RPH3AL: variants seen among roughly 807,000 people sequenced by gnomAD.
The protein encoded by RPH3AL is rab effector Noc2.
A neutral mutation model predicts 43.1 loss-of-function variants in RPH3AL; 38 were observed. The ratio of observed to expected loss-of-function variants is 0.88; its 90% confidence interval spans 0.68 to 1.15. RPH3AL has a LOEUF of 1.15. Ranked by LOEUF, RPH3AL falls within the 50% of genes most tolerant of loss-of-function variation. The pLI is 0.00. For missense variants in RPH3AL, 462 were observed against 423.2 expected, an observed-to-expected ratio of 1.09 and a Z score of -0.81; for synonymous variants, 189 against 176.3, an observed-to-expected ratio of 1.07 and a Z score of -0.57.
chr17:326,985 C>T (rs769395795), intron 3 of RPH3AL, among the ~76,000 whole-genome samples: 2 of 152,226 alleles, frequency 1.3e-5, no homozygotes, highest in Non-Finnish European at 2.9e-5. Flanking sequence ...TCAGGGGCAG[C>T]GCCTCGTCCA....
chr17:271,586 T>C (rs1265776582), intron 6 of RPH3AL, among the ~76,000 whole-genome samples: 1 of 152,192 alleles, frequency 6.6e-6, no homozygotes, highest in Non-Finnish European at 1.5e-5. Flanking sequence ...TATTGATGTA[T>C]AGGAATGCTT....
intron 7 of RPH3AL, among the ~76,000 whole-genome samples, chr17:226,522 TAAAC>T (rs1479116348): frequency 6.6e-6 from 1 of 152,046 alleles, no homozygotes; most frequent in African/African-American, 2.4e-5. Flanking sequence ...TCGAAAGAAA[TAAAC>T]CAAAGGAAGT....
At chr17:316,901 G>GC (rs2044248998) in intron 5 of RPH3AL, among the ~76,000 whole-genome samples, 3 of 101,808 alleles carry the variant, frequency 2.9e-5, no homozygotes, top group South Asian at 3.4e-4. Flanking sequence ...TAGTCCCTGT[G>GC]CTCCACCTCC....
At chr17:242,337 CCTTCCTCTATTGACTA>C (rs1253888359) in intron 7 of RPH3AL, among the ~76,000 whole-genome samples, 1,990 of 89,128 alleles carry the variant, frequency 0.022, no homozygotes, top group Non-Finnish European at 0.033. Flanking sequence ...CTATTGACTA[CCTTCCTCTATTGACTA>C]CCTTCCTCTA....
intron 5 of RPH3AL, among the ~76,000 whole-genome samples, chr17:315,144 ATTGAC>A (rs2151670334): frequency 6.6e-6 from 1 of 150,856 alleles, no homozygotes; most frequent in Non-Finnish European, 1.5e-5. Flanking sequence ...CTCCACCTCC[ATTGAC>A]CTGTAGTCCC....
chr17:334,310 T>C (rs2044880361), intron 1 of RPH3AL, among the ~76,000 whole-genome samples: 1 of 152,220 alleles, frequency 6.6e-6, no homozygotes, highest in East Asian at 1.9e-4. Context: ...TGTCTGTCTC[T>C]AACACGTATC....
At chr17:216,758 C>A (rs1253300335) in intron 8 of RPH3AL, among the ~76,000 whole-genome samples, 16 of 152,200 alleles carry the variant, frequency 1.1e-4, no homozygotes, top group Non-Finnish European at 4.4e-5. Flanking sequence ...TCTCTACCTG[C>A]TGATATTGGC....
chr17:314,033 C>T lies in RPH3AL; in HGVS notation c.351+5387G>A, dbSNP rs537672492. Among the ~76,000 whole-genome samples, 6 of 152,344 alleles carry T rather than the reference C, an allele frequency of 3.9e-5. No homozygotes were observed. In the East Asian group the frequency reaches 1.2e-3, roughly 29 times the overall value. ...CAACAGAAACGCCCGGACCAGCCCA[C>T]AGCTCCAGAGTAGCGTGGGGACCCA... On this transcript the variant is annotated intron_variant, in intron 5 of 9. Coordinates refer to ENST00000331302, the MANE Select transcript of RPH3AL (RefSeq NM_006987.4).
intron 6 of RPH3AL, among the ~76,000 whole-genome samples, chr17:250,539 G>C (rs1173819251): frequency 1.4e-5 from 2 of 146,470 alleles, no homozygotes; most frequent in African/African-American, 5.1e-5. Context: ...CCTTTACTAA[G>C]CTCCATCGCT....
intron 5 of RPH3AL, among the ~76,000 whole-genome samples, chr17:312,787 T>C (rs2043676398): frequency 6.6e-6 from 1 of 152,198 alleles, no homozygotes; most frequent in Non-Finnish European, 1.5e-5. Flanking sequence ...AAGTGACTTG[T>C]ACGAGACCGC....
At chr17:314,439 C>T (rs59732087) in intron 5 of RPH3AL, among the ~76,000 whole-genome samples, 4,051 of 130,492 alleles carry the variant, frequency 0.031, 187 homozygotes, top group Middle Eastern at 0.049. Flanking sequence ...TCCCTCTGCC[C>T]CCACCTCCAT....
chr17:329,311 A>G (rs1283040219), intron 2 of RPH3AL, among the ~76,000 whole-genome samples: 1 of 152,160 alleles, frequency 6.6e-6, no homozygotes, highest in Non-Finnish European at 1.5e-5. Flanking sequence ...CGCCTCTACT[A>G]AAAATACAAA....
chr17:284,104 T>G (rs2042846929), intron 5 of RPH3AL, among the ~76,000 whole-genome samples: 1 of 152,196 alleles, frequency 6.6e-6, no homozygotes, highest in African/African-American at 2.4e-5. Context: ...GCTCACCTTA[T>G]AAACATGCAG....
intron 7 of RPH3AL, among the ~76,000 whole-genome samples, chr17:220,417 G>A (rs62059567): frequency 8.5e-5 from 6 of 70,498 alleles, no homozygotes; most frequent in African/African-American, 2.3e-4. Context: ...ACAACAGCTC[G>A]GAGGCCTCCA....
chr17:313,249 C>A lies in RPH3AL; in HGVS notation c.351+6171G>T, dbSNP rs1283468954. Among the ~76,000 whole-genome samples the A allele has an allele frequency of 2.0e-5, 3 of 152,184 alleles. No individual in the cohort carries two copies. In the East Asian group the frequency reaches 5.8e-4, roughly 29 times the overall value. ...ATCATCTCCCAGTGACGGCCATCAC[C>A]ACCTGTCTCCAGCACTAGGGTCGTC... On this transcript the variant is annotated intron_variant, in intron 5 of 9. Coordinates refer to ENST00000331302, the MANE Select transcript of RPH3AL (RefSeq NM_006987.4).
intron 7 of RPH3AL, among the ~76,000 whole-genome samples, chr17:224,233 CAG>C (rs1555531670): frequency 0.029 from 4,434 of 152,260 alleles, 110 homozygotes; most frequent in Non-Finnish European, 0.045. Context: ...GCACAGATCC[CAG>C]CTTCACCCTC....
chr17:344,557 TCAC>T (rs1405547338), intron 1 of RPH3AL, among the ~76,000 whole-genome samples: 1 of 133,358 alleles, frequency 7.5e-6, no homozygotes, highest in African/African-American at 2.6e-5. Flanking sequence ...ACCATCATCA[TCAC>T]CAACACCACT....
chr17:336,406 A>T (rs1214661328), intron 1 of RPH3AL, among the ~76,000 whole-genome samples: 1 of 152,104 alleles, frequency 6.6e-6, no homozygotes, highest in Non-Finnish European at 1.5e-5. Context: ...TGGATTCCAG[A>T]GTTGAAGCAG....
chr17:270,856 T>A (rs940119067), intron 6 of RPH3AL, among the ~76,000 whole-genome samples: 2 of 152,222 alleles, frequency 1.3e-5, no homozygotes, highest in Non-Finnish European at 2.9e-5. Context: ...TGCCCATGCC[T>A]ATGTCCTGAA....
Sources: allele counts gnomAD v4.1 joint callset (sites outside exome capture counted in the v4.1 genomes callset), GRCh38; gene constraint gnomAD v4.1.1; transcripts MANE v1.5; gene names NCBI Gene and HGNC (gene_info 2026-07-23, HGNC 2026-07-21).